ADCY5: variants seen among roughly 807,000 people sequenced by gnomAD.
ADCY5 encodes the protein adenylate cyclase 5, also known as adenylate cyclase type 5.
A neutral mutation model predicts 119.7 loss-of-function variants in ADCY5; 30 were observed. That is an observed-to-expected ratio of 0.25 (90% CI 0.19 to 0.34). The LOEUF is 0.34. ADCY5 is among the 10% of genes least tolerant of loss of function. ADCY5 has a pLI of 1.00. For synonymous variants in ADCY5, 753 were observed against 762.2 expected, an observed-to-expected ratio of 0.99 and a Z score of 0.20; for missense variants, 1,324 against 1,775.2, an observed-to-expected ratio of 0.75 and a Z score of 4.57.
At chr3:123,292,861 G>A (rs936425883) in intron 17 of ADCY5, among the ~76,000 whole-genome samples, 5 of 152,114 alleles carry the variant, frequency 3.3e-5, no homozygotes, top group African/African-American at 1.2e-4. Context: ...GGGGGCCCAC[G>A]GATGCCAGAA....
chr3:123,447,547 C>T lies in ADCY5; in HGVS notation c.999G>A (p.Val333=), dbSNP rs1442352032. Residue 333 remains valine (V), a synonymous_variant, in exon 1 of 21, where the codon GTG becomes GTA. Coordinates refer to ENST00000462833, the MANE Select transcript of ADCY5 (RefSeq NM_183357.3). ...GCGTGTAGATGGTGTAGATGAAGAA[C>T]ACGGTCCACCAGATGCCCTCAGAGG... is the stretch of plus-strand genomic sequence containing the variant. ...RSASEGIWWT[V]FFIYTIYTLL... 2 of 1,609,588 alleles carry T rather than the reference C, an allele frequency of 1.2e-6. No individual in the cohort carries two copies. The highest frequency in any genetic ancestry group is 1.7e-5 in the Admixed American group (1 of 59,958).
chr3:123,406,018 A>G (rs1944889404), intron 1 of ADCY5, among the ~76,000 whole-genome samples: 1 of 152,246 alleles, frequency 6.6e-6, no homozygotes, highest in South Asian at 2.1e-4. Flanking sequence ...AGGCCTAGCC[A>G]ATTCCTAGAG....
chr3:123,397,244 G>C (rs1944627239), intron 1 of ADCY5, among the ~76,000 whole-genome samples: 1 of 152,156 alleles, frequency 6.6e-6, no homozygotes, highest in Non-Finnish European at 1.5e-5. Flanking sequence ...GAAATATCCA[G>C]AATCACTTGC....
intron 1 of ADCY5, among the ~76,000 whole-genome samples, chr3:123,363,187 T>C (rs1434970797): frequency 2.5e-5 from 2 of 80,518 alleles, no homozygotes; most frequent in Non-Finnish European, 5.4e-5. Flanking sequence ...AAAAAAAAAA[T>C]GGGTAATGTG....
intron 1 of ADCY5, among the ~76,000 whole-genome samples, chr3:123,435,664 C>T (rs1370481484): frequency 6.6e-6 from 1 of 151,760 alleles, no homozygotes; most frequent in Non-Finnish European, 1.5e-5. Context: ...AACCTGAAGA[C>T]AGGTTAGAGT....
intron 1 of ADCY5, among the ~76,000 whole-genome samples, chr3:123,357,587 C>G (rs2108514202): frequency 6.6e-6 from 1 of 152,264 alleles, no homozygotes; most frequent in South Asian, 2.1e-4. Context: ...TCACTAAACA[C>G]AAAACCAGGC....
At chr3:123,407,577 C>A (rs1468971267) in intron 1 of ADCY5, among the ~76,000 whole-genome samples, 1 of 137,076 alleles carries the variant, frequency 7.3e-6, no homozygotes, top group African/African-American at 2.8e-5. Context: ...CATAGTGAGA[C>A]CCTATCTCTA....
In ADCY5 at chr3:123,448,204, G is replaced by C; in HGVS notation, c.342C>G (p.Gly114=). The C allele has an allele frequency of 1.3e-5, 16 of 1,268,364 alleles. No individual in the cohort carries two copies. Among genetic ancestry groups the C allele is most frequent in the Non-Finnish European group, 1.6e-5 (16 of 1,009,244 alleles). The allele number at this position is 1,268,364 out of a possible 1,614,324, so 78.6% of individuals were successfully genotyped here. ...QERGGDDCGR[G]SRRQRRGAAS... ...CCGCGCCCCGCCGCTGCCGGCGGCT[G>C]CCGCGACCGCAGTCGTCGCCGCCGC... Residue 114 remains glycine, a synonymous_variant, in exon 1 of 21, where the codon GGC becomes GGG. Coordinates refer to ENST00000462833, the MANE Select transcript of ADCY5 (RefSeq NM_183357.3).
At chr3:123,391,213 G>A (rs1011278487) in intron 1 of ADCY5, among the ~76,000 whole-genome samples, 4 of 152,212 alleles carry the variant, frequency 2.6e-5, no homozygotes, top group African/African-American at 9.7e-5. Context: ...AAGCAAAAGT[G>A]TGTGGGTCTG....
rs368278343 is a variant in ADCY5 at position 123,413,540 on chromosome 3, G to A, written c.1134+33872C>T. On this transcript the variant is annotated intron_variant, in intron 1 of 20. Transcript: ENST00000462833. ...AGAGGCCAGGTCAGGGGAGGATTCC[G>A]TATCCAGAGCTGCATAGGATCCCAG... Among the ~76,000 whole-genome samples, 50 of 152,288 alleles carry A rather than the reference G, an allele frequency of 3.3e-4. 1 individual carries two copies. Among genetic ancestry groups the A allele is most frequent in the East Asian group, 1.4e-3 (7 of 5,182 alleles).
intron 1 of ADCY5, among the ~76,000 whole-genome samples, chr3:123,401,892 G>A (rs145245272): frequency 8.5e-5 from 13 of 152,114 alleles, no homozygotes; most frequent in Non-Finnish European, 8.8e-5. Flanking sequence ...ATGACTCCAC[G>A]GTGCCTGTCC....
rs1279127415 is a variant in ADCY5 at position 123,448,539 on chromosome 3, C to T, written c.7G>A (p.Gly3Ser). The T allele has an allele frequency of 2.4e-6, 3 of 1,263,962 alleles. No individual in the cohort carries two copies. The highest frequency in any genetic ancestry group is 3.2e-5 in the East Asian group (1 of 31,732). The allele number at this position is 1,263,962 out of a possible 1,614,324, so 78.3% of individuals were successfully genotyped here. ...CCCGGGGGGCTCACGCTTTTGGAGC[C>T]GGACATCCCCCCCTCGGCCTCGTCG... The part of the protein sequence containing the change: MS[G>S]SKSVSPPGYA... Residue 3 changes from glycine to serine, a missense_variant, in exon 1 of 21, where the codon GGC (glycine) becomes AGC (serine). Gly to Ser is a moderately conservative substitution (Grantham distance 56, BLOSUM62 0). Coordinates refer to ENST00000462833, the MANE Select transcript of ADCY5 (RefSeq NM_183357.3).
At chr3:123,446,962 G>A (rs971829776) in intron 1 of ADCY5, among the ~76,000 whole-genome samples, 12 of 152,176 alleles carry the variant, frequency 7.9e-5, no homozygotes, top group Non-Finnish European at 1.5e-5. Flanking sequence ...AGCAAGGGGT[G>A]CAGGGTGTCC....
intron 3 of ADCY5, among the ~76,000 whole-genome samples, chr3:123,335,821 GC>G (rs1576590036): frequency 1.3e-5 from 2 of 152,212 alleles, no homozygotes; most frequent in East Asian, 3.9e-4. Context: ...CAGGAGGGCA[GC>G]CCCCAACCAC....
At chr3:123,376,930 C>G (rs1020090352) in intron 1 of ADCY5, among the ~76,000 whole-genome samples, 5 of 152,220 alleles carry the variant, frequency 3.3e-5, no homozygotes, top group African/African-American at 9.7e-5. Context: ...CTGGGGGAAG[C>G]TGCATCCTCT....
At chr3:123,318,287 C>T (rs1941031687) in intron 10 of ADCY5, 170 bp from the exon 11 acceptor site, 2 of 568,932 alleles carry the variant, frequency 3.5e-6, no homozygotes, top group Non-Finnish European at 6.4e-6. Flanking sequence ...CCCAGGAAAC[C>T]AGTCCAGATC....
At chr3:123,393,781 C>T (rs1468873872) in intron 1 of ADCY5, among the ~76,000 whole-genome samples, 1 of 151,692 alleles carries the variant, frequency 6.6e-6, no homozygotes, top group Non-Finnish European at 1.5e-5. Context: ...GCTGGCTTCC[C>T]CTCCCTCCCT....
Position 123,319,835 on chromosome 3 carries a change from A to G in ADCY5, c.2112-17T>C, listed in dbSNP as rs1559802826. On this transcript the variant is annotated splice_polypyrimidine_tract_variant and intron_variant, in intron 9 of 20. Transcript: ENST00000462833. ...TGGGCGTTCCTGGGGAGCAGAAGGCACGGGCGTGAGACAGGCTGACCACAG... is the reference window on the plus strand; with the variant it reads ...TGGGCGTTCCTGGGGAGCAGAAGGCGCGGGCGTGAGACAGGCTGACCACAG... The G allele has an allele frequency of 1.2e-6, 2 of 1,611,298 alleles. No individual in the cohort carries two copies. The highest frequency in any genetic ancestry group is 1.1e-5 in the South Asian group (1 of 91,006).
intron 1 of ADCY5, among the ~76,000 whole-genome samples, chr3:123,413,161 C>T (rs1945099458): frequency 6.6e-6 from 1 of 152,230 alleles, no homozygotes; most frequent in African/African-American, 2.4e-5. Context: ...AGAGGAATCA[C>T]AGCCCATCTC....
Sources: gnomAD v4.1 joint callset for allele counts (sites outside exome capture counted in the v4.1 genomes callset) on GRCh38, gnomAD v4.1.1 for gene constraint, MANE v1.5 for transcripts, NCBI Gene and HGNC (gene_info 2026-07-23, HGNC 2026-07-21) for gene names.